Variants in HEATR5B observed in about 807,000 individuals in gnomAD.
HEATR5B encodes HEAT repeat containing 5B.
HEATR5B carries 156 observed loss-of-function variants against 224.1 expected under a neutral mutation model. The ratio of observed to expected loss-of-function variants is 0.70; its 90% CI spans 0.61 to 0.80. The LOEUF is 0.80. HEATR5B is among the 30% of genes least tolerant of loss of function. The pLI is 0.00. For missense variants in HEATR5B, 2,323 were observed against 2,535.5 expected (o/e 0.92, Z 1.80); for synonymous variants, 1,027 against 893.0 (o/e 1.15, Z -2.68).
chr2:37,005,527 G>T, intron 30 of HEATR5B, 105 bp downstream of exon 30: 1 of 1,025,498 alleles, frequency 9.8e-7, no homozygotes, highest in Non-Finnish European at 1.5e-6. Context: ...TTCATATCAT[G>T]TTAAAATAGG....
chr2:36,999,298 C>T (rs2148364718), intron 33 of HEATR5B, among the ~76,000 whole-genome samples: 1 of 152,258 alleles, frequency 6.6e-6, no homozygotes, highest in Non-Finnish European at 1.5e-5. Context: ...GGAGTAGTGA[C>T]AGGTACTTCA....
chr2:36,998,328 T>A (rs4255943), intron 33 of HEATR5B, among the ~76,000 whole-genome samples: 5 of 151,978 alleles, frequency 3.3e-5, no homozygotes, highest in Admixed American at 6.5e-5. Flanking sequence ...AGAAAATGAG[T>A]AATGCAAATT....
Position 37,079,067 on chromosome 2 carries a change from T to G in HEATR5B, c.338+53A>C, listed in dbSNP as rs113583185. On this transcript the variant is annotated intron_variant, in intron 3 of 35. Coordinates refer to ENST00000233099, the MANE Select transcript of HEATR5B (RefSeq NM_019024.3). ...ATGGTCCATAGTCTCCTACTAAGTT[T>G]CCTTGAAAGAAAAAATAAAACTTCA... 3 of 1,145,726 alleles carry G rather than the reference T, an allele frequency of 2.6e-6. No homozygotes were observed. In the South Asian group the frequency reaches 4.5e-5, roughly 17 times the overall value. The allele number at this position is 1,145,726 out of a possible 1,614,324, so 71.0% of individuals were successfully genotyped here.
intron 26 of HEATR5B, among the ~76,000 whole-genome samples, chr2:37,016,433 G>A (rs1275354417): frequency 6.6e-6 from 1 of 151,832 alleles, no homozygotes; most frequent in Non-Finnish European, 1.5e-5. Context: ...TTTCTCATCT[G>A]AAATCCTTGG....
chr2:37,055,259 C>T (rs1445182184), intron 16 of HEATR5B, among the ~76,000 whole-genome samples: 1 of 151,866 alleles, frequency 6.6e-6, no homozygotes, highest in Non-Finnish European at 1.5e-5. Context: ...CACTTATCCT[C>T]CTACTGTTGA....
At chr2:37,033,943 C>A (rs997589521) in intron 21 of HEATR5B, among the ~76,000 whole-genome samples, 1 of 152,124 alleles carries the variant, frequency 6.6e-6, no homozygotes, top group Non-Finnish European at 1.5e-5. Context: ...GTTCCATCTG[C>A]TGCTTTTCAA....
Position 37,065,762 on chromosome 2 carries a change from T to C in HEATR5B, c.1326A>G (p.Ala442=), listed in dbSNP as rs181354728. Residue 442 remains alanine, a synonymous_variant, in exon 9 of 36, where the codon GCA becomes GCG. Transcript: ENST00000233099. The part of the protein sequence containing the change: ...NATASPLIQE[A]SIGLLEIVTS... ...AGTAACTGAATGTCATACCTATAGATGCTTCTTGAATAAGAGGGGATGCGG... is the reference window on the plus strand; with the variant it reads ...AGTAACTGAATGTCATACCTATAGACGCTTCTTGAATAAGAGGGGATGCGG... 1.5e-5 allele frequency: 25 copies of C among 1,613,208 alleles called. No individual in the cohort carries two copies. The highest frequency in any genetic ancestry group is 1.7e-4 in the Middle Eastern group (1 of 6,054).
Position 36,988,852 on chromosome 2 carries a change from G to A in HEATR5B, c.5705C>T (p.Ala1902Val). The A allele has an allele frequency of 6.2e-7, 1 of 1,613,226 alleles. No homozygotes were observed. The highest frequency in any genetic ancestry group is 1.3e-5 in the African/African-American group (1 of 74,998). The change falls in exon 35 of 36, where the codon GCC becomes GTC. Residue 1902 changes from alanine (A) to valine (V), a missense_variant. Ala to Val is a moderately conservative substitution (Grantham distance 64). Coordinates refer to ENST00000233099, the MANE Select transcript of HEATR5B (RefSeq NM_019024.3). ...ALNSCDPWVQ[A>V]KCYQLLLSVF... is the part of the protein sequence containing the mutation. ...TGAGAGGAGAAGCTGGTAACATTTG[G>A]CTTGAACCTATATAAGAAGAACATA... is the stretch of plus-strand genomic sequence containing the variant.
Position 36,981,172 on chromosome 2 carries a change from T to C in HEATR5B, c.*318A>G, listed in dbSNP as rs893467619. On this transcript the variant is annotated 3_prime_UTR_variant, in exon 36 of 36. Transcript: ENST00000233099. Reference sequence around the variant, plus strand: ...CATTTTTTTCCCCTGACAGTATCAATAGGCTGCCCGACTACATGATACAAT... The same window carrying C: ...CATTTTTTTCCCCTGACAGTATCAACAGGCTGCCCGACTACATGATACAAT... The C allele has an allele frequency of 3.4e-5, 7 of 203,202 alleles. No homozygotes were observed. Among genetic ancestry groups the C allele is most frequent in the Non-Finnish European group, 4.9e-5 (5 of 102,464 alleles). 12.6% of individuals were successfully genotyped at this position (203,202 alleles called of 1,614,324 possible). A position where few individuals can be genotyped will look rare whatever the true frequency, so the allele number is the denominator to read the frequency against.
chr2:37,059,533 G>A (rs1242320102), intron 12 of HEATR5B, among the ~76,000 whole-genome samples: 16 of 133,794 alleles, frequency 1.2e-4, no homozygotes, highest in Non-Finnish European at 1.4e-4. Context: ...GCGGAATCTC[G>A]GCTCACTGCA....
intron 26 of HEATR5B, among the ~76,000 whole-genome samples, chr2:37,015,314 T>A (rs1668046321): frequency 6.6e-6 from 1 of 152,166 alleles, no homozygotes; most frequent in African/African-American, 2.4e-5. Flanking sequence ...GACAGGGGGA[T>A]CATATTATTA....
chr2:37,057,306 A>C lies in HEATR5B; in HGVS notation c.2223+11T>G, dbSNP rs777268065. 6.3e-7 allele frequency: 1 copy of C among 1,581,516 alleles called. No homozygotes were observed. The highest frequency in any genetic ancestry group is 1.2e-5 in the South Asian group (1 of 85,378). ...TTAAGTTAGTATTTCATTTTCCTCT[A>C]TGTTTATTACCTGGTCTTCAATTGA... On this transcript the variant is annotated intron_variant, in intron 15 of 35. Coordinates refer to ENST00000233099, the MANE Select transcript of HEATR5B (RefSeq NM_019024.3).
intron 23 of HEATR5B, 77 bp from the exon 24 acceptor site, chr2:37,028,251 ATTTT>A (rs987926651): frequency 1.1e-6 from 1 of 873,788 alleles, no homozygotes; most frequent in African/African-American, 1.8e-5. Context: ...TAATATTAAA[ATTTT>A]TTTAATTTAA....
intron 26 of HEATR5B, among the ~76,000 whole-genome samples, chr2:37,018,195 T>TAA (rs34971106): frequency 2.0e-5 from 3 of 150,706 alleles, no homozygotes; most frequent in African/African-American, 2.4e-5. Context: ...AAACTTCTTA[T>TAA]AAAAAAAAAT....
intron 1 of HEATR5B, 78 bp downstream of exon 1, chr2:37,084,191 A>G: frequency 3.2e-6 from 1 of 317,250 alleles, no homozygotes; most frequent in Non-Finnish European, 5.8e-6. Context: ...ACGAACTCAA[A>G]TGTCTTCCCC....
intron 16 of HEATR5B, among the ~76,000 whole-genome samples, chr2:37,055,887 A>T (rs958862846): frequency 6.6e-6 from 1 of 152,250 alleles, no homozygotes; most frequent in Non-Finnish European, 1.5e-5. Context: ...TACTAAAGCT[A>T]GGAATAGTGT....
chr2:37,017,392 C>CA (rs1413931084), intron 26 of HEATR5B, among the ~76,000 whole-genome samples: 240 of 142,316 alleles, frequency 1.7e-3, no homozygotes, highest in Non-Finnish European at 2.6e-3. Context: ...GACTGTGTCT[C>CA]AAAAAAAAAA....
chr2:37,024,072 T>C (rs146208308), intron 24 of HEATR5B, among the ~76,000 whole-genome samples: 18 of 152,282 alleles, frequency 1.2e-4, no homozygotes, highest in East Asian at 7.7e-4. Flanking sequence ...TATTCAGCCA[T>C]AGAAAAGAAT....
intron 27 of HEATR5B, among the ~76,000 whole-genome samples, chr2:37,013,491 G>A (rs908965177): frequency 6.6e-6 from 1 of 152,128 alleles, no homozygotes; most frequent in Non-Finnish European, 1.5e-5. Context: ...TCAAGTCCAG[G>A]CTGGGCAACA....
Sources: allele counts gnomAD v4.1 joint callset (sites outside exome capture counted in the v4.1 genomes callset), GRCh38; gene constraint gnomAD v4.1.1; transcripts MANE v1.5; gene names NCBI Gene and HGNC (gene_info 2026-07-23, HGNC 2026-07-21).